NF2: variants seen among roughly 807,000 people sequenced by gnomAD.
The protein encoded by NF2 is NF2, moesin-ezrin-radixin like (MERLIN) tumor suppressor, also known as merlin.
NF2 carries 8 observed loss-of-function variants against 83.7 expected under a neutral mutation model. The ratio of observed to expected loss-of-function variants is 0.10; its 90% CI spans 0.06 to 0.17. NF2 has a LOEUF of 0.17. Among genes scored for constraint, NF2 ranks in the 10% least tolerant of loss-of-function variants. NF2 has a pLI of 1.00. For synonymous variants in NF2, 266 were observed against 269.6 expected (o/e 0.99, Z 0.13); for missense variants, 533 against 744.4 (o/e 0.72, Z 3.31).
chr22:29,686,273 A>G (rs1458851605), intron 15 of NF2, among the ~76,000 whole-genome samples: 1 of 152,276 alleles, frequency 6.6e-6, no homozygotes, highest in African/African-American at 2.4e-5. Context: ...CGCCACATCT[A>G]GGTACACTGC....
chr22:29,655,768 A>G (rs2066287382), intron 6 of NF2, 92 bp downstream of exon 6: 5 of 1,007,328 alleles, frequency 5.0e-6, no homozygotes, highest in Non-Finnish European at 6.1e-6. Flanking sequence ...CATGCTTGTT[A>G]AACAAAATGC....
chr22:29,671,810 T>C lies in NF2; in HGVS notation c.1000-16T>C, dbSNP rs201183251. ...AGCCCTGTGATTCAATGACTGTTTT[T>C]CTTCACCCCTCGCAGATGGAGCGGC... On this transcript the variant is annotated splice_polypyrimidine_tract_variant and intron_variant, in intron 10 of 15. Coordinates refer to ENST00000338641, the MANE Select transcript of NF2 (RefSeq NM_000268.4). 167 of 1,613,738 alleles carry C rather than the reference T, an allele frequency of 1.0e-4. No individual in the cohort carries two copies. The highest frequency in any genetic ancestry group is 1.3e-4 in the Non-Finnish European group (158 of 1,179,988).
intron 7 of NF2, among the ~76,000 whole-genome samples, chr22:29,659,724 A>C (rs2066420885): frequency 2.0e-5 from 3 of 152,192 alleles, no homozygotes; most frequent in Admixed American, 2.0e-4. Flanking sequence ...CAGAAGGCTG[A>C]ATCTTTTTTT....
intron 1 of NF2, among the ~76,000 whole-genome samples, chr22:29,624,511 G>T (rs2065292245): frequency 6.6e-6 from 1 of 152,116 alleles, no homozygotes; most frequent in Admixed American, 6.6e-5. Context: ...CCTGGCCAGG[G>T]TTGTTTTGAG....
rs145427713 is a variant in NF2, at chr22:29,671,882, G to A, written c.1056G>A (p.Thr352=). The change falls in exon 11 of 16, where the codon ACG becomes ACA. Residue 352 remains threonine, a synonymous_variant. Coordinates refer to ENST00000338641, the MANE Select transcript of NF2 (RefSeq NM_000268.4). ...AGATGAGGGAGGAGGCTGAACGCAC[G>A]AGGGATGAGTTGGAGAGGAGGCTGC... ...EKQMREEAER[T]RDELERRLLQ... is the part of the protein sequence containing the mutation. 123 of 1,614,036 alleles carry A rather than the reference G, an allele frequency of 7.6e-5. No homozygotes were observed. Among genetic ancestry groups the A allele is most frequent in the Non-Finnish European group, 9.2e-5 (108 of 1,180,022 alleles).
chr22:29,610,002 A>G (rs1464656504), intron 1 of NF2, among the ~76,000 whole-genome samples: 2 of 151,276 alleles, frequency 1.3e-5, no homozygotes, highest in African/African-American at 4.8e-5. Flanking sequence ...TTTGGGTAGG[A>G]TAGTATACCC....
chr22:29,655,828 A>G, intron 6 of NF2, 152 bp downstream of exon 6: 1 of 688,040 alleles, frequency 1.5e-6, no homozygotes, highest in Non-Finnish European at 2.6e-6. Flanking sequence ...GCTGGGAGTA[A>G]CGTTGGTCTT....
At chr22:29,665,931 A>G (rs2066610131) in intron 9 of NF2, among the ~76,000 whole-genome samples, 2 of 152,152 alleles carry the variant, frequency 1.3e-5, no homozygotes, top group Non-Finnish European at 2.9e-5. Flanking sequence ...TTTATTTCAT[A>G]TATGGCAAAA....
chr22:29,665,161 T>C lies in NF2; in HGVS notation c.885+97T>C, dbSNP rs2066584087. 15 of 917,766 alleles carry C rather than the reference T, an allele frequency of 1.6e-5. No homozygotes were observed. The East Asian group carries it at 2.3e-4, about 14-fold the overall frequency. The allele number at this position is 917,766 out of a possible 1,614,324, so 56.9% of individuals were successfully genotyped here. A position where few individuals can be genotyped will look rare whatever the true frequency, so the allele number is the denominator to read the frequency against. On this transcript the variant is annotated intron_variant, in intron 9 of 15. Coordinates refer to ENST00000338641, the MANE Select transcript of NF2 (RefSeq NM_000268.4). ...GATATCAGAGTGACATCTTGTGAAG[T>C]ATAGAATGGTATCTCACTTGGCGCA...
At position 29,661,264 on chromosome 22, in the gene NF2, C is replaced by T. The variant is rs1601624031; in HGVS notation, c.735C>T (p.Asp245=). 1.2e-6 allele frequency: 2 copies of T among 1,614,104 alleles called. No homozygotes were observed. Among genetic ancestry groups the T allele is most frequent in the African/African-American group, 1.3e-5 (1 of 74,930 alleles). ...ATGCCCTGGGGCTTCACATTTATGA[C>T]CCTGAGAACAGACTGACCCCCAAGA... ...GVDALGLHIY[D]PENRLTPKIS... is the part of the protein sequence containing the mutation. The change falls in exon 8 of 16, where the codon GAC becomes GAT. Residue 245 remains aspartate (D), a synonymous_variant. Coordinates refer to ENST00000338641, the MANE Select transcript of NF2 (RefSeq NM_000268.4).
chr22:29,682,451 A>T (rs1213422993), intron 15 of NF2, among the ~76,000 whole-genome samples: 1 of 151,970 alleles, frequency 6.6e-6, no homozygotes, highest in Non-Finnish European at 1.5e-5. Flanking sequence ...ACTCCAGGGG[A>T]TCTGTTTCTG....
chr22:29,658,262 C>T lies in NF2; in HGVS notation c.673C>T (p.Arg225Trp), dbSNP rs1386029079. 2.5e-6 allele frequency: 4 copies of T among 1,613,838 alleles called. No homozygotes were observed. The highest frequency in any genetic ancestry group is 1.7e-5 in the Admixed American group (1 of 59,994). The part of the protein sequence containing the change: ...EMYGVNYFAI[R>W]NKKGTELLLG... ...GTACGGTGTGAACTACTTTGCAATC[C>T]GGGTGTGTTGAAACCTCTCTGAGCT... Residue 225 changes from arginine to tryptophan, a missense_variant and splice_region_variant, in exon 7 of 16, where the codon CGG becomes TGG. By Grantham distance (101) the Arg-to-Trp change is moderately radical (BLOSUM62 -3). Coordinates refer to ENST00000338641, the MANE Select transcript of NF2 (RefSeq NM_000268.4).
intron 9 of NF2, among the ~76,000 whole-genome samples, chr22:29,665,535 C>T (rs1423423612): frequency 2.6e-5 from 4 of 152,028 alleles, no homozygotes; most frequent in Non-Finnish European, 5.9e-5. Flanking sequence ...TGACCCACTG[C>T]GCCCAGCCGA....
Position 29,678,212 on chromosome 22 carries a change from C to T in NF2, c.1463C>T (p.Pro488Leu), listed in dbSNP as rs1173959854. 4 of 1,614,014 alleles carry T rather than the reference C, an allele frequency of 2.5e-6. No homozygotes were observed. The African/African-American group carries it at 5.3e-5, about 22-fold the overall frequency. ...CATTAACAGCCCATGAACCCAATTC[C>T]AGCACCGTTGCCTCCTGACATACCA... ...KPTYPPMNPI[P>L]APLPPDIPSF... Residue 488 changes from proline to leucine, a missense_variant, in exon 14 of 16, where the codon CCA (proline) becomes CTA (leucine). Transcript: ENST00000338641.
chr22:29,607,109 A>G (rs1248140771), intron 1 of NF2, among the ~76,000 whole-genome samples: 3 of 152,206 alleles, frequency 2.0e-5, no homozygotes, highest in Non-Finnish European at 2.9e-5. Context: ...TGGTTGTATC[A>G]TTATACATTG....
intron 15 of NF2, among the ~76,000 whole-genome samples, chr22:29,692,518 G>A (rs1282917637): frequency 3.3e-5 from 5 of 152,222 alleles, no homozygotes; most frequent in African/African-American, 1.2e-4. Context: ...ATGCTCCTCG[G>A]GTGGAGGATC....
At chr22:29,647,010 T>C (rs2052336135) in intron 4 of NF2, among the ~76,000 whole-genome samples, 1 of 140,568 alleles carries the variant, frequency 7.1e-6, no homozygotes. Context: ...CACTCCAGCC[T>C]GGGTGACAAA....
rs1399304971 is a variant in NF2, at chr22:29,673,125, C to T, written c.1123-144C>T. ...AGTTGGGGAATGTGGCTTGTCATTT[C>T]TTGTCAGAGGGTCATGGAGGGCACT... is the stretch of plus-strand genomic sequence containing the variant. On this transcript the variant is annotated intron_variant, in intron 11 of 15. Transcript: ENST00000338641. 4.4e-6 allele frequency: 4 copies of T among 899,810 alleles called. No homozygotes were observed. The East Asian group carries it at 1.1e-4, about 24-fold the overall frequency. The allele number at this position is 899,810 out of a possible 1,614,324, so 55.7% of individuals were successfully genotyped here. A position where few individuals can be genotyped will look rare whatever the true frequency, so the allele number is the denominator to read the frequency against.
chr22:29,654,758 T>A (rs1446440812), intron 5 of NF2, 33 bp downstream of exon 5: 1 of 1,519,868 alleles, frequency 6.6e-7, no homozygotes, highest in Non-Finnish European at 9.1e-7. Flanking sequence ...CAGGAAGACA[T>A]AGCAGATATG....
Sources: gnomAD v4.1 joint callset for allele counts (sites outside exome capture counted in the v4.1 genomes callset) on GRCh38, gnomAD v4.1.1 for gene constraint, MANE v1.5 for transcripts, NCBI Gene and HGNC (gene_info 2026-07-23, HGNC 2026-07-21) for gene names.